The following TTC6 variants were observed in gnomAD, a reference collection of about 807,000 sequenced individuals.
TTC6 encodes the protein tetratricopeptide repeat protein 6.
A neutral mutation model predicts 210.4 loss-of-function variants in TTC6; 172 were observed. The observed-to-expected ratio is 0.82, with a 90% confidence interval of 0.72 to 0.93. TTC6 has a LOEUF of 0.93. Among genes scored for constraint, TTC6 ranks in the 40% least tolerant of loss-of-function variants. The pLI is 0.00. For missense variants in TTC6, 2,414 were observed against 2,318.1 expected (o/e 1.04, Z -0.85); for synonymous variants, 804 against 819.6 (o/e 0.98, Z 0.32).
At chr14:37,787,416 A>G in intron 14 of TTC6, 52 bp from the exon 17 acceptor site, 1 of 1,247,706 alleles carries the variant, frequency 8.0e-7, no homozygotes, top group South Asian at 2.1e-5. Context: ...TTTACCAAAA[A>G]GAGAAAATGT....
intron 1 of TTC6, 128 bp downstream of exon 3, chr14:37,623,131 C>G: frequency 1.6e-6 from 1 of 640,278 alleles, no homozygotes; most frequent in Non-Finnish European, 2.4e-6. Context: ...CACAAAAACA[C>G]TGGGGTGTTA....
At chr14:37,837,988 C>T (rs2096201796) in intron 29 of TTC6, among the ~76,000 whole-genome samples, 1 of 152,136 alleles carries the variant, frequency 6.6e-6, no homozygotes, top group Admixed American at 6.5e-5. Flanking sequence ...GTTCATTAGG[C>T]TTGAGGACAT....
chr14:37,653,540 T>C (rs1381889566), intron 1 of TTC6, among the ~76,000 whole-genome samples: 1 of 151,326 alleles, frequency 6.6e-6, no homozygotes, highest in East Asian at 1.9e-4. Flanking sequence ...TAATTCCTGC[T>C]AGCATGTTTC....
chr14:37,702,869 A>G (rs1015034421), intron 5 of TTC6, among the ~76,000 whole-genome samples: 1 of 152,184 alleles, frequency 6.6e-6, no homozygotes, highest in African/African-American at 2.4e-5. Context: ...GAATCCCTAA[A>G]AGAAGGTCAT....
chr14:37,679,054 C>G (rs1461653055), intron 1 of TTC6, among the ~76,000 whole-genome samples: 2 of 152,114 alleles, frequency 1.3e-5, no homozygotes, highest in African/African-American at 4.8e-5. Context: ...TACCCCATCT[C>G]TACAAAAAAC....
intron 7 of TTC6, 59 bp from the exon 10 acceptor site, chr14:37,735,862 C>A: frequency 9.6e-7 from 1 of 1,045,916 alleles, no homozygotes; most frequent in Non-Finnish European, 1.4e-6. Context: ...TAACAGTCAT[C>A]ATAGGCTTTT....
At chr14:37,773,505 A>G (rs1392166760) in intron 14 of TTC6, among the ~76,000 whole-genome samples, 2 of 152,164 alleles carry the variant, frequency 1.3e-5, no homozygotes, top group African/African-American at 4.8e-5. Flanking sequence ...ACCATTTATT[A>G]AACAGGGAGT....
At chr14:37,727,776 C>T (rs1037158016) in intron 7 of TTC6, among the ~76,000 whole-genome samples, 3 of 152,060 alleles carry the variant, frequency 2.0e-5, no homozygotes, top group South Asian at 2.1e-4. Context: ...TTTTGATACA[C>T]CATAGTGTTT....
Position 37,606,743 on chromosome 14 carries a change from G to GTATGT in TTC6, c.-155+5_-155+6insTTATG. ...AGGAACAAGGATTCATGGAAGTGAGGTATGATGTCTTCAGTTCTTTCCAGT... is the reference window on the plus strand; with the variant it reads ...AGGAACAAGGATTCATGGAAGTGAGGTATGTTATGATGTCTTCAGTTCTTTCCAGT... On this transcript the variant is annotated splice_donor_variant, in intron 2 of 2. Coordinates refer to the TTC6 transcript ENST00000556845. LOFTEE classifies it low-confidence loss of function (5UTR_SPLICE). 1 of 985,240 alleles carries GTATGT rather than the reference G, an allele frequency of 1.0e-6. No individual in the cohort carries two copies. Among genetic ancestry groups the GTATGT allele is most frequent in the Non-Finnish European group, 1.2e-6 (1 of 829,912 alleles). 61.0% of individuals were successfully genotyped at this position (985,240 alleles called of 1,614,324 possible).
At chr14:37,760,910 G>C (rs911305690) in intron 14 of TTC6, among the ~76,000 whole-genome samples, 2 of 152,158 alleles carry the variant, frequency 1.3e-5, no homozygotes, top group African/African-American at 4.8e-5. Context: ...TGTTGCCCTG[G>C]CAGCGAGAAT....
At chr14:37,657,732 T>G (rs2139448191) in intron 1 of TTC6, among the ~76,000 whole-genome samples, 1 of 152,344 alleles carries the variant, frequency 6.6e-6, no homozygotes, top group Middle Eastern at 3.4e-3. Context: ...GCCTAAATTC[T>G]AAATGAAATT....
intron 14 of TTC6, among the ~76,000 whole-genome samples, chr14:37,780,101 G>A (rs1389728015): frequency 6.6e-6 from 1 of 152,032 alleles, no homozygotes; most frequent in Non-Finnish European, 1.5e-5. Context: ...ATTACAAAAG[G>A]TTTATTCTGT....
At chr14:37,749,513 AATT>A (rs36003317) in intron 11 of TTC6, 112 bp downstream of exon 13, 316,577 of 1,164,740 alleles carry the variant, frequency 0.27, 47,192 homozygotes, top group Non-Finnish European at 0.29. Context: ...TAGCATGTGG[AATT>A]ATTATAACAG....
At chr14:37,815,770 G>A (rs990748687) in intron 25 of TTC6, among the ~76,000 whole-genome samples, 2 of 152,068 alleles carry the variant, frequency 1.3e-5, no homozygotes, top group African/African-American at 2.4e-5. Flanking sequence ...AATTAATGCA[G>A]AAGAGAAAAA....
At chr14:37,700,567 A>C (rs1475283609) in intron 4 of TTC6, among the ~76,000 whole-genome samples, 1 of 151,632 alleles carries the variant, frequency 6.6e-6, no homozygotes, top group Admixed American at 6.6e-5. Context: ...ACATTGGGAA[A>C]CCCCATCTCT....
chr14:37,812,020 T>G (rs2096130652), intron 24 of TTC6, among the ~76,000 whole-genome samples: 1 of 152,178 alleles, frequency 6.6e-6, no homozygotes, highest in Non-Finnish European at 1.5e-5. Flanking sequence ...AGAGGCAGAA[T>G]GCTAAGTCCC....
intron 14 of TTC6, 137 bp downstream of exon 16, chr14:37,753,372 A>C: frequency 2.7e-6 from 2 of 740,110 alleles, no homozygotes; most frequent in Non-Finnish European, 4.2e-6. Context: ...CAGTAAATGA[A>C]AAATCCTTGC....
intron 3 of TTC6, among the ~76,000 whole-genome samples, chr14:37,688,404 C>T (rs1044720269): frequency 2.0e-5 from 3 of 152,120 alleles, no homozygotes; most frequent in African/African-American, 7.2e-5. Flanking sequence ...GCTGGTTTTG[C>T]CACCTGCTGA....
At chr14:37,801,549 G>A (rs2096106552) in intron 20 of TTC6, among the ~76,000 whole-genome samples, 1 of 152,232 alleles carries the variant, frequency 6.6e-6, no homozygotes, top group Non-Finnish European at 1.5e-5. Context: ...CCTCAATTAT[G>A]TTGCAGTATA....
Sources: gnomAD v4.1 joint callset for allele counts (sites outside exome capture counted in the v4.1 genomes callset) on GRCh38, gnomAD v4.1.1 for gene constraint, MANE v1.5 for transcripts, NCBI Gene and HGNC (gene_info 2026-07-23, HGNC 2026-07-21) for gene names.